MYO16: variants seen among roughly 807,000 people sequenced by gnomAD.
The protein encoded by MYO16 is myosin XVI.
Under a neutral mutation model 205.3 loss-of-function variants are expected in MYO16, and 94 were observed. That is an observed-to-expected ratio of 0.46 (90% confidence interval 0.39 to 0.54). MYO16 has a LOEUF of 0.54. Ranked by LOEUF, MYO16 falls within the 20% of genes least tolerant of loss-of-function variation. The probability of loss-of-function intolerance (pLI) is 0.00; values close to 1 mark genes in which losing one functional copy is unlikely to be tolerated. For missense variants in MYO16, 2,315 were observed against 2,387.5 expected, an observed-to-expected ratio of 0.97 and a Z score of 0.63; for synonymous variants, 988 against 954.0, an observed-to-expected ratio of 1.04 and a Z score of -0.66.
chr13:108,823,996 G>T (rs439133), intron 9 of MYO16, among the ~76,000 whole-genome samples: 1 of 152,026 alleles, frequency 6.6e-6, no homozygotes, highest in African/African-American at 2.4e-5. Context: ...GGCTTGGAAT[G>T]TATAATAAAA....
At position 108,697,380 on chromosome 13, in the gene MYO16, C is replaced by T. The variant is rs979926398; in HGVS notation, c.293-15281C>T. Among the ~76,000 whole-genome samples the T allele has an allele frequency of 2.6e-5, 4 of 152,152 alleles. No homozygotes were observed. The South Asian group carries it at 8.3e-4, about 31-fold the overall frequency. Reference sequence around the variant, plus strand: ...TCACGAAGTTGGCTAAAGTCCTATCCCCAGCTATCTGCAGAATTCCACCCA... The same window carrying T: ...TCACGAAGTTGGCTAAAGTCCTATCTCCAGCTATCTGCAGAATTCCACCCA... On this transcript the variant is annotated intron_variant, in intron 2 of 34. Transcript: ENST00000457511.
chr13:108,644,126 C>T (rs1281691927), intron 1 of MYO16, among the ~76,000 whole-genome samples: 1 of 152,160 alleles, frequency 6.6e-6, no homozygotes, highest in Non-Finnish European at 1.5e-5. Context: ...AGTTTCGGAT[C>T]CTCAGCTCTG....
At chr13:108,777,369 G>T (rs909724167) in intron 4 of MYO16, among the ~76,000 whole-genome samples, 1 of 152,160 alleles carries the variant, frequency 6.6e-6, no homozygotes, top group Admixed American at 6.5e-5. Flanking sequence ...AAGGCGGGGG[G>T]TAAAGATAAT....
chr13:108,539,236 C>T, the MYO16 span, among the ~76,000 whole-genome samples: 1 of 152,106 alleles, frequency 6.6e-6, no homozygotes, highest in East Asian at 1.9e-4. Flanking sequence ...ATTTAATGCT[C>T]AGACACATAA....
chr13:108,587,021 G>C, the MYO16 span, among the ~76,000 whole-genome samples: 1 of 152,204 alleles, frequency 6.6e-6, no homozygotes, highest in Admixed American at 6.5e-5. Context: ...GAGACAGCAA[G>C]TGTTGCTAAG....
chr13:108,727,257 A>G (rs574788236), intron 3 of MYO16, among the ~76,000 whole-genome samples, 183 bp from the exon 4 acceptor site: 98 of 152,106 alleles, frequency 6.4e-4, no homozygotes, highest in Non-Finnish European at 3.1e-4. Context: ...CCAGTTCCCC[A>G]GAAGTCTTGC....
At chr13:108,951,711 G>A (rs1275743303) in intron 16 of MYO16, among the ~76,000 whole-genome samples, 1 of 152,204 alleles carries the variant, frequency 6.6e-6, no homozygotes, top group Non-Finnish European at 1.5e-5. Flanking sequence ...CAATGGCGAT[G>A]TAGACAGATT....
At position 108,961,605 on chromosome 13, in the gene MYO16, C is replaced by G; in HGVS notation, c.2104C>G (p.Leu702Val). The G allele has an allele frequency of 1.2e-6, 2 of 1,614,144 alleles. No individual in the cohort carries two copies. Among genetic ancestry groups the G allele is most frequent in the South Asian group, 1.1e-5 (1 of 91,086 alleles). ...CCTTGGAGACATTCGGTTTACTGCC[C>G]TGAATGAGGGGAACTCCGCCTTCGT... Reference protein sequence around the residue: ...LHLGDIRFTALNEGNSAFVSD... With the variant: ...LHLGDIRFTAVNEGNSAFVSD... The change falls in exon 18 of 35, where the codon CTG (leucine) becomes GTG (valine). Residue 702 changes from leucine to valine, a missense_variant. Transcript: ENST00000457511.
intron 16 of MYO16, among the ~76,000 whole-genome samples, chr13:108,931,044 G>T (rs1882233781): frequency 6.6e-6 from 1 of 152,174 alleles, no homozygotes; most frequent in Non-Finnish European, 1.5e-5. Flanking sequence ...ATGAGAGGAG[G>T]ATGTCTGAAT....
chr13:108,658,631 G>A (rs1200579501), intron 1 of MYO16, among the ~76,000 whole-genome samples: 4 of 151,982 alleles, frequency 2.6e-5, no homozygotes, highest in Non-Finnish European at 5.9e-5. Flanking sequence ...TTATTTCTGT[G>A]ATGTTTTCTT....
At chr13:108,822,727 C>T (rs1298729936) in intron 8 of MYO16, among the ~76,000 whole-genome samples, 2 of 152,094 alleles carry the variant, frequency 1.3e-5, no homozygotes, top group African/African-American at 2.4e-5. Flanking sequence ...AGGCCAGTTA[C>T]ATGCTTTATA....
chr13:109,061,605 GT>G (rs138001916), intron 27 of MYO16, among the ~76,000 whole-genome samples: 2,532 of 152,256 alleles, frequency 0.017, 76 homozygotes, highest in African/African-American at 0.057. Flanking sequence ...GATGAAGTTT[GT>G]TTTCTTATAT....
chr13:108,906,192 C>A (rs568594481), intron 15 of MYO16, among the ~76,000 whole-genome samples: 1 of 152,100 alleles, frequency 6.6e-6, no homozygotes. Flanking sequence ...CTCCCATTCC[C>A]AGAAATAAGT....
At chr13:108,996,495 GT>G (rs1245197619) in intron 21 of MYO16, among the ~76,000 whole-genome samples, 1 of 152,162 alleles carries the variant, frequency 6.6e-6, no homozygotes, top group Non-Finnish European at 1.5e-5. Flanking sequence ...TGGATTATGT[GT>G]GATAAAGATA....
At chr13:108,544,857 C>T in the MYO16 span, among the ~76,000 whole-genome samples, 6 of 152,126 alleles carry the variant, frequency 3.9e-5, no homozygotes, top group Middle Eastern at 3.2e-3. Context: ...ATGCAATGTT[C>T]GTCTTTCTGT....
chr13:108,911,488 G>A lies in MYO16; in HGVS notation c.1925+1338G>A, dbSNP rs1427245428. ...GTCCAAGGGAGATGGAAGTGTACAA[G>A]GGGCCTGAGGAAACATACTCAATGT... On this transcript the variant is annotated intron_variant, in intron 16 of 34. Coordinates refer to ENST00000457511, the MANE Select transcript of MYO16 (RefSeq NM_001198950.3). Among the ~76,000 whole-genome samples the A allele has an allele frequency of 2.0e-5, 3 of 152,234 alleles. No homozygotes were observed. The East Asian group carries it at 5.8e-4, about 29-fold the overall frequency.
At chr13:108,778,257 C>G (rs991223713) in intron 4 of MYO16, among the ~76,000 whole-genome samples, 4 of 152,176 alleles carry the variant, frequency 2.6e-5, no homozygotes, top group Non-Finnish European at 5.9e-5. Context: ...GGGACATCTC[C>G]TCAGTCACAG....
At chr13:108,727,398 A>G in intron 3 of MYO16, 42 bp from the exon 4 acceptor site, 9 of 1,592,190 alleles carry the variant, frequency 5.7e-6, no homozygotes, top group Non-Finnish European at 6.9e-6. Flanking sequence ...GCCATATCAC[A>G]GTTTGTAATA....
chr13:109,112,199 A>G (rs1310727491), intron 28 of MYO16, among the ~76,000 whole-genome samples: 2 of 152,192 alleles, frequency 1.3e-5, no homozygotes, highest in East Asian at 1.9e-4. Flanking sequence ...GGGTTAGCTC[A>G]TATTATGGAG....
Sources: gnomAD v4.1 joint callset for allele counts (sites outside exome capture counted in the v4.1 genomes callset) on GRCh38, gnomAD v4.1.1 for gene constraint, MANE v1.5 for transcripts, NCBI Gene and HGNC (gene_info 2026-07-23, HGNC 2026-07-21) for gene names.